SEMA3C: variants seen among roughly 807,000 people sequenced by gnomAD.
SEMA3C encodes the protein semaphorin-3C.
In SEMA3C, 47 loss-of-function variants were observed where a neutral mutation model predicts 89.4. The observed-to-expected ratio is 0.53, with a 90% confidence interval of 0.42 to 0.67. The LOEUF (loss-of-function observed/expected upper bound fraction) is 0.67, where lower values mean the gene tolerates loss of function less well. Among genes scored for constraint, SEMA3C ranks in the 30% least tolerant of loss-of-function variants. The pLI, the probability that SEMA3C is intolerant of heterozygous loss-of-function variation, is 0.00. For missense variants in SEMA3C, 839 were observed against 929.1 expected (o/e 0.90, Z 1.26); for synonymous variants, 310 against 320.2 (o/e 0.97, Z 0.34).
chr7:80,800,953 G>A (rs895124024), intron 9 of SEMA3C, 127 bp from the exon 10 acceptor site: 3 of 467,204 alleles, frequency 6.4e-6, no homozygotes. Flanking sequence ...GTACCATTAT[G>A]GTAATTTGGA....
rs535374040 is a variant in SEMA3C, at chr7:80,751,339, G to A, written c.1644-3C>T. Reference sequence around the variant, plus strand: ...TCACATCTTGTCTTCGGCTCCTCCTGCAAGTGCAGAAATACATAAAAGTGA... The same window carrying A: ...TCACATCTTGTCTTCGGCTCCTCCTACAAGTGCAGAAATACATAAAAGTGA... On this transcript the variant is annotated splice_polypyrimidine_tract_variant and splice_region_variant and intron_variant, in intron 15 of 17. Coordinates refer to ENST00000265361, the MANE Select transcript of SEMA3C (RefSeq NM_006379.5). 1 of 1,613,126 alleles carries A rather than the reference G, an allele frequency of 6.2e-7. No homozygotes were observed. Among genetic ancestry groups the A allele is most frequent in the South Asian group, 1.1e-5 (1 of 91,066 alleles).
chr7:80,868,722 G>A (rs1407927715), intron 2 of SEMA3C, among the ~76,000 whole-genome samples: 2 of 152,042 alleles, frequency 1.3e-5, no homozygotes, highest in African/African-American at 4.8e-5. Context: ...GGGGAGGAGG[G>A]GGATTATAGT....
At chr7:80,749,509 C>T (rs998540701) in intron 16 of SEMA3C, among the ~76,000 whole-genome samples, 1 of 152,106 alleles carries the variant, frequency 6.6e-6, no homozygotes, top group African/African-American at 2.4e-5. Flanking sequence ...TGGGAAAGGG[C>T]AGAAAGTATT....
At chr7:80,771,769 C>T (rs1210968216) in intron 12 of SEMA3C, among the ~76,000 whole-genome samples, 1 of 152,122 alleles carries the variant, frequency 6.6e-6, no homozygotes, top group African/African-American at 2.4e-5. Flanking sequence ...AACACTGCCT[C>T]CTTAATGAGA....
At chr7:80,863,902 T>C (rs1051735447) in intron 2 of SEMA3C, among the ~76,000 whole-genome samples, 57 of 115,186 alleles carry the variant, frequency 4.9e-4, no homozygotes, top group African/African-American at 2.3e-3. Flanking sequence ...ACACATATAT[T>C]ACATATATAT....
At chr7:80,793,301 T>A (rs1199454015) in intron 11 of SEMA3C, 1 of 229,280 alleles carries the variant, frequency 4.4e-6, no homozygotes, top group African/African-American at 2.4e-5. Context: ...CAGGTATTCA[T>A]AAATATCTGC....
intron 13 of SEMA3C, among the ~76,000 whole-genome samples, chr7:80,763,812 G>A (rs541456065): frequency 3.7e-4 from 56 of 152,080 alleles, no homozygotes; most frequent in African/African-American, 1.3e-3. Flanking sequence ...AAAAAAATAT[G>A]TTCTATATAA....
intron 2 of SEMA3C, among the ~76,000 whole-genome samples, chr7:80,871,185 C>T (rs1044803140): frequency 2.0e-5 from 3 of 151,928 alleles, no homozygotes; most frequent in South Asian, 2.1e-4. Flanking sequence ...AAACCTTCTG[C>T]CCAATAAAAA....
In SEMA3C at chr7:80,750,252, T is replaced by C. The variant is rs1003138798; in HGVS notation, c.1711+1017A>G. Among the ~76,000 whole-genome samples the C allele has an allele frequency of 2.6e-5, 4 of 151,570 alleles. No individual in the cohort carries two copies. In the South Asian group the frequency reaches 8.3e-4, roughly 32 times the overall value. On this transcript the variant is annotated intron_variant, in intron 16 of 17. Coordinates refer to ENST00000265361, the MANE Select transcript of SEMA3C (RefSeq NM_006379.5). ...AAAGTATTGTAACATGGTAACTTCA[T>C]GTCAGAATGGGAAGGAAGGAATTAG...
At chr7:80,756,626 C>A (rs1443545341) in intron 15 of SEMA3C, among the ~76,000 whole-genome samples, 1 of 152,186 alleles carries the variant, frequency 6.6e-6, no homozygotes, top group African/African-American at 2.4e-5. Context: ...CTCATTTCTT[C>A]CTATCGTTCC....
At chr7:80,821,111 G>A (rs1027212533) in intron 4 of SEMA3C, among the ~76,000 whole-genome samples, 1 of 152,122 alleles carries the variant, frequency 6.6e-6, no homozygotes, top group Non-Finnish European at 1.5e-5. Context: ...ATCCTAGACT[G>A]TGAAATAATC....
chr7:80,807,029 G>C (rs6467405), intron 6 of SEMA3C, among the ~76,000 whole-genome samples: 6 of 151,686 alleles, frequency 4.0e-5, no homozygotes, highest in Non-Finnish European at 8.8e-5. Flanking sequence ...TCTAGGCCCA[G>C]GGAAACAGAT....
At chr7:80,899,473 T>G (rs376490611) in intron 2 of SEMA3C, among the ~76,000 whole-genome samples, 1 of 152,242 alleles carries the variant, frequency 6.6e-6, no homozygotes, top group Non-Finnish European at 1.5e-5. Context: ...GACTTTAACT[T>G]TTTTCTAATT....
intron 12 of SEMA3C, among the ~76,000 whole-genome samples, chr7:80,787,801 G>C (rs1372791696): frequency 6.6e-6 from 1 of 152,164 alleles, no homozygotes. Context: ...GGTAGGATGA[G>C]ATATAAATTG....
intron 4 of SEMA3C, among the ~76,000 whole-genome samples, chr7:80,821,726 G>T (rs73139721): frequency 6.6e-6 from 1 of 152,096 alleles, no homozygotes; most frequent in African/African-American, 2.4e-5. Context: ...CTTTGATGTC[G>T]ATTGCTTAAT....
At position 80,802,602 on chromosome 7, in the gene SEMA3C, T is replaced by A. The variant is rs1227534148; in HGVS notation, c.916+63A>T. ...AAGTACATCTTCTTTTGAGACCTTA[T>A]TTAAATATATAAACTTTACAAGCCT... On this transcript the variant is annotated intron_variant, in intron 9 of 17. Transcript: ENST00000265361. 10 of 1,048,172 alleles carry A rather than the reference T, an allele frequency of 9.5e-6. No individual in the cohort carries two copies. The East Asian group carries it at 1.9e-4, about 20-fold the overall frequency. 64.9% of individuals were successfully genotyped at this position (1,048,172 alleles called of 1,614,324 possible).
intron 15 of SEMA3C, among the ~76,000 whole-genome samples, chr7:80,752,122 G>A (rs939217812): frequency 6.6e-6 from 1 of 152,076 alleles, no homozygotes; most frequent in South Asian, 2.1e-4. Flanking sequence ...GTTTTTCAAC[G>A]ACAATATTTC....
At position 80,800,720 on chromosome 7, in the gene SEMA3C, T is replaced by C. The variant is rs754186886; in HGVS notation, c.986+37A>G. Reference sequence around the variant, plus strand: ...AATTACTGTTACTCCATGAAGTTTATTGTTTAACTCATAAAATGTAACTGT... The same window carrying C: ...AATTACTGTTACTCCATGAAGTTTACTGTTTAACTCATAAAATGTAACTGT... On this transcript the variant is annotated intron_variant, in intron 10 of 17. Transcript: ENST00000265361. 6.4e-6 allele frequency: 8 copies of C among 1,247,308 alleles called. No homozygotes were observed. The Admixed American group carries it at 6.6e-5, about 10-fold the overall frequency. The allele number at this position is 1,247,308 out of a possible 1,614,324, so 77.3% of individuals were successfully genotyped here. A position where few individuals can be genotyped will look rare whatever the true frequency, so the allele number is the denominator to read the frequency against.
chr7:80,767,702 TA>T (rs1788335263), intron 12 of SEMA3C, among the ~76,000 whole-genome samples: 1 of 152,238 alleles, frequency 6.6e-6, no homozygotes, highest in Non-Finnish European at 1.5e-5. Flanking sequence ...TGCACATTTT[TA>T]AATTCTACTG....
Sources: allele counts gnomAD v4.1 joint callset (sites outside exome capture counted in the v4.1 genomes callset), GRCh38; gene constraint gnomAD v4.1.1; transcripts MANE v1.5; gene names NCBI Gene and HGNC (gene_info 2026-07-23, HGNC 2026-07-21).